The following EYS variants were observed in gnomAD, a reference collection of about 807,000 sequenced individuals.
EYS encodes protein eyes shut homolog.
In EYS, 250 loss-of-function variants were observed where a neutral mutation model predicts 282.1. The ratio of observed to expected loss-of-function variants is 0.89; its 90% confidence interval spans 0.80 to 0.98. EYS has a LOEUF of 0.98. EYS is among the 50% of genes least tolerant of loss of function. The pLI, the probability that EYS is intolerant of heterozygous loss-of-function variation, is 0.00. For synonymous variants in EYS, 1,355 were observed against 1,282.9 expected, an observed-to-expected ratio of 1.06 and a Z score of -1.20; for missense variants, 4,016 against 3,709.0, an observed-to-expected ratio of 1.08 and a Z score of -2.15.
chr6:64,072,881 C>A (rs1443948560), intron 32 of EYS, among the ~76,000 whole-genome samples: 2 of 151,984 alleles, frequency 1.3e-5, no homozygotes, highest in African/African-American at 4.8e-5. Context: ...GCATTTAGGT[C>A]AAGCTGTTGT....
chr6:64,841,585 A>G (rs1765564556), intron 19 of EYS, among the ~76,000 whole-genome samples: 1 of 152,062 alleles, frequency 6.6e-6, no homozygotes, highest in Non-Finnish European at 1.5e-5. Flanking sequence ...AAATTTCCCA[A>G]TCCGAAATCC....
chr6:65,484,530 A>T (rs796693379), intron 5 of EYS, among the ~76,000 whole-genome samples: 7 of 152,272 alleles, frequency 4.6e-5, no homozygotes, highest in African/African-American at 1.7e-4. Context: ...TCAATCATTC[A>T]AAGACAGCTT....
chr6:64,604,793 G>A (rs948847041), intron 24 of EYS, among the ~76,000 whole-genome samples: 3 of 152,004 alleles, frequency 2.0e-5, no homozygotes, highest in Admixed American at 1.3e-4. Flanking sequence ...CTATCCAAAA[G>A]AAGGTGCAAT....
intron 33 of EYS, among the ~76,000 whole-genome samples, chr6:64,057,120 G>T (rs1771011722): frequency 6.6e-6 from 1 of 152,146 alleles, no homozygotes; most frequent in Non-Finnish European, 1.5e-5. Flanking sequence ...TATATTTATT[G>T]AGTTCAAACA....
chr6:65,317,777 TCTTCCTTC>T (rs911036026), intron 11 of EYS, among the ~76,000 whole-genome samples: 16 of 57,454 alleles, frequency 2.8e-4, no homozygotes, highest in South Asian at 1.1e-3. Context: ...CTACATTTTC[TCTTCCTTC>T]CTTCCTTCCT....
At chr6:65,606,710 A>T (rs1765809045) in intron 2 of EYS, among the ~76,000 whole-genome samples, 1 of 151,864 alleles carries the variant, frequency 6.6e-6, no homozygotes, top group Admixed American at 6.6e-5. Flanking sequence ...TGAAAAGTAA[A>T]AGTTAAAGTT....
At chr6:65,353,294 C>G (rs532907249) in intron 9 of EYS, among the ~76,000 whole-genome samples, 164 bp downstream of exon 9, 1 of 151,802 alleles carries the variant, frequency 6.6e-6, no homozygotes, top group Non-Finnish European at 1.5e-5. Flanking sequence ...GTGTTAAACA[C>G]GTCAGTTAAA....
At chr6:64,519,039 C>T (rs1430516000) in intron 26 of EYS, among the ~76,000 whole-genome samples, 1 of 151,752 alleles carries the variant, frequency 6.6e-6, no homozygotes, top group Admixed American at 6.6e-5. Flanking sequence ...AGCTAGAGAA[C>T]TGAAGCACAT....
intron 26 of EYS, among the ~76,000 whole-genome samples, chr6:64,560,637 C>T (rs1292593344): frequency 1.3e-5 from 2 of 152,020 alleles, no homozygotes; most frequent in East Asian, 3.8e-4. Context: ...TAGGTAGGTA[C>T]ACAGTGTCCT....
At chr6:65,100,323 T>C (rs1226015165) in intron 12 of EYS, among the ~76,000 whole-genome samples, 2 of 150,678 alleles carry the variant, frequency 1.3e-5, no homozygotes, top group Non-Finnish European at 3.0e-5. Flanking sequence ...TTTTGTTAAG[T>C]CTGAAAAAGA....
chr6:65,495,407 T>C lies in EYS; in HGVS notation c.4A>G (p.Thr2Ala). The C allele has an allele frequency of 1.2e-6, 2 of 1,609,608 alleles. No homozygotes were observed. The highest frequency in any genetic ancestry group is 1.7e-6 in the Non-Finnish European group (2 of 1,179,964). The stretch of plus-strand genomic sequence containing the variant: ...CTCAGAATGACGATTGATTTGTCAG[T>C]CATTTTCGGGTAGCTGTATTTTACA... M[T>A]DKSIVILSLM... Residue 2 changes from threonine (T) to alanine (A), a missense_variant, in exon 4 of 43, where the codon ACT (threonine) becomes GCT (alanine). Transcript: ENST00000503581.
chr6:65,390,534 G>T (rs2102194), intron 7 of EYS, among the ~76,000 whole-genome samples: 4 of 151,506 alleles, frequency 2.6e-5, no homozygotes, highest in South Asian at 2.1e-4. Context: ...CAACTCAGAA[G>T]GCTACAAGAA....
At chr6:65,674,135 CT>C (rs1273252838) in intron 1 of EYS, among the ~76,000 whole-genome samples, 1 of 151,528 alleles carries the variant, frequency 6.6e-6, no homozygotes, top group Non-Finnish European at 1.5e-5. Flanking sequence ...TGAAGAAAGC[CT>C]AAAAGACTGA....
chr6:65,443,463 A>G (rs1768506937), intron 5 of EYS, among the ~76,000 whole-genome samples: 1 of 143,368 alleles, frequency 7.0e-6, no homozygotes, highest in Non-Finnish European at 1.6e-5. Flanking sequence ...CATATACGCC[A>G]TACACATGCA....
chr6:63,789,099 T>G lies in EYS; in HGVS notation c.7537A>C (p.Thr2513Pro). ...TGGAAGAACTTGCCCAGATGAACAG[T>G]GTGGACTCCAAGGCTCAGATTGAGG... ...EPLNLSLGVH[T>P]VHLGKFFQEG... is the part of the protein sequence containing the mutation. Residue 2513 changes from threonine to proline, a missense_variant, in exon 38 of 43, where the codon ACT becomes CCT. Coordinates refer to ENST00000503581, the MANE Select transcript of EYS (RefSeq NM_001142800.2). 1.3e-6 allele frequency: 2 copies of G among 1,551,640 alleles called. No homozygotes were observed. Among genetic ancestry groups the G allele is most frequent in the South Asian group, 1.2e-5 (1 of 84,062 alleles).
intron 12 of EYS, among the ~76,000 whole-genome samples, chr6:65,162,074 G>GA: frequency 6.6e-6 from 1 of 151,284 alleles, no homozygotes; most frequent in South Asian, 2.1e-4. Context: ...CACAGTTACA[G>GA]AAAAAAGTAG....
At chr6:64,628,822 T>G (rs867130315) in intron 22 of EYS, among the ~76,000 whole-genome samples, 1 of 152,298 alleles carries the variant, frequency 6.6e-6, no homozygotes, top group Middle Eastern at 3.4e-3. Flanking sequence ...TTAATATAAT[T>G]TGTATTTTGC....
chr6:64,151,319 A>ATATATATATATATATATATATATT (rs1774705510), intron 31 of EYS, among the ~76,000 whole-genome samples: 3 of 25,458 alleles, frequency 1.2e-4, no homozygotes, highest in Admixed American at 6.0e-4. Context: ...GTGTATATTT[A>ATATATATATATATATATATATATT]TATATATATA....
chr6:64,701,919 T>G (rs951371232), intron 22 of EYS, among the ~76,000 whole-genome samples: 1 of 152,068 alleles, frequency 6.6e-6, no homozygotes, highest in African/African-American at 2.4e-5. Context: ...TCTGGTTTTT[T>G]TTGAATTTGC....
Sources: allele counts gnomAD v4.1 joint callset (sites outside exome capture counted in the v4.1 genomes callset), GRCh38; gene constraint gnomAD v4.1.1; transcripts MANE v1.5; gene names NCBI Gene and HGNC (gene_info 2026-07-23, HGNC 2026-07-21).